SETD2: variants seen among roughly 807,000 people sequenced by gnomAD.
The protein encoded by SETD2 is SET domain containing 2, histone lysine methyltransferase, also known as histone-lysine N-methyltransferase SETD2.
Under a neutral mutation model 242.1 loss-of-function variants are expected in SETD2, and 31 were observed. The ratio of observed to expected loss-of-function variants is 0.13; its 90% CI spans 0.10 to 0.17. The LOEUF (loss-of-function observed/expected upper bound fraction) is 0.17, where lower values mean the gene tolerates loss of function less well. Among genes scored for constraint, SETD2 ranks in the 10% least tolerant of loss-of-function variants. SETD2 has a pLI of 1.00. For missense variants in SETD2, 2,481 were observed against 3,046.3 expected (o/e 0.81, Z 4.37); for synonymous variants, 1,006 against 1,066.5 (o/e 0.94, Z 1.11).
intron 18 of SETD2, among the ~76,000 whole-genome samples, chr3:47,024,308 T>A (rs2038371108): frequency 6.6e-6 from 1 of 152,040 alleles, no homozygotes. Flanking sequence ...CTGTCTCTAC[T>A]AAAAATACGA....
chr3:47,162,111 T>C (rs1202120689), intron 1 of SETD2, among the ~76,000 whole-genome samples: 2 of 152,168 alleles, frequency 1.3e-5, no homozygotes, highest in Non-Finnish European at 2.9e-5. Flanking sequence ...CCACATATTA[T>C]GAAAAATTGT....
rs530249823 is a variant in SETD2, at chr3:47,047,857, C to T, written c.6964-1236G>A. Reference sequence around the variant, plus strand: ...TGAGAAATGCATTGTTAGGAGATTTCATTGTTGTGGTAACATCATATAATG... The same window carrying T: ...TGAGAAATGCATTGTTAGGAGATTTTATTGTTGTGGTAACATCATATAATG... On this transcript the variant is annotated intron_variant, in intron 15 of 20. Transcript: ENST00000409792. 4.6e-5 allele frequency among the ~76,000 whole-genome samples: 7 copies of T among 152,290 alleles called. 1 individual carries two copies. The South Asian group carries it at 1.5e-3, about 32-fold the overall frequency.
intron 1 of SETD2, among the ~76,000 whole-genome samples, chr3:47,130,026 T>C (rs948451185): frequency 1.3e-5 from 2 of 152,194 alleles, no homozygotes; most frequent in Non-Finnish European, 2.9e-5. Flanking sequence ...TAATCCTCAA[T>C]GTTGCTGCCC....
chr3:47,081,190 C>T (rs1559698560), intron 12 of SETD2: 1 of 543,656 alleles, frequency 1.8e-6, no homozygotes, highest in Non-Finnish European at 2.3e-6. Flanking sequence ...CTTTCATTTA[C>T]TGATGATTCC....
chr3:47,108,779 C>T (rs4683321), intron 5 of SETD2, among the ~76,000 whole-genome samples: 4,981 of 152,218 alleles, frequency 0.033, 238 homozygotes, highest in East Asian at 0.13. Flanking sequence ...GCTAGACCCT[C>T]CAGCTGCCTG....
Position 47,056,903 on chromosome 3 carries a change from G to T in SETD2, c.6881C>A (p.Thr2294Asn). ...ACATGTCTGTCCTTGATAATATATG[G>T]TTGCTTGAGACTGTGCAGGAGAGTA... The part of the protein sequence containing the change: ...QQYSPAQSQA[T>N]IYYQGQTCPT... The change falls in exon 15 of 21, where the codon ACC becomes AAC. Residue 2294 changes from threonine (T) to asparagine (N), a missense_variant. By Grantham distance (65) the Thr-to-Asn change is moderately conservative (BLOSUM62 0). Transcript: ENST00000409792. 6.2e-7 allele frequency: 1 copy of T among 1,614,206 alleles called. No individual in the cohort carries two copies. The highest frequency in any genetic ancestry group is 8.5e-7 in the Non-Finnish European group (1 of 1,179,992).
intron 1 of SETD2, among the ~76,000 whole-genome samples, chr3:47,134,169 T>C (rs1448545544): frequency 2.6e-5 from 4 of 152,188 alleles, no homozygotes; most frequent in African/African-American, 9.6e-5. Context: ...TCCTACACTA[T>C]ACCTCATGTT....
At chr3:47,149,743 G>A (rs1382773970) in intron 1 of SETD2, among the ~76,000 whole-genome samples, 1 of 152,134 alleles carries the variant, frequency 6.6e-6, no homozygotes, top group Non-Finnish European at 1.5e-5. Context: ...CACAGGTCTG[G>A]CATTCAACAA....
intron 15 of SETD2, among the ~76,000 whole-genome samples, chr3:47,048,775 C>A (rs562854684): frequency 6.6e-6 from 1 of 152,260 alleles, no homozygotes; most frequent in African/African-American, 2.4e-5. Flanking sequence ...TCAAGCAATT[C>A]TCCTGCCTCA....
At chr3:47,024,306 A>C (rs2038370957) in intron 18 of SETD2, among the ~76,000 whole-genome samples, 1 of 151,818 alleles carries the variant, frequency 6.6e-6, no homozygotes, top group Non-Finnish European at 1.5e-5. Context: ...CACTGTCTCT[A>C]CTAAAAATAC....
chr3:47,052,035 T>C (rs930452581), intron 15 of SETD2, among the ~76,000 whole-genome samples: 7 of 152,198 alleles, frequency 4.6e-5, no homozygotes, highest in Non-Finnish European at 1.0e-4. Flanking sequence ...TCTAGGCTTT[T>C]AACAGTATTA....
chr3:47,067,196 T>G (rs182528866), intron 12 of SETD2, 78 bp from the exon 13 acceptor site: 70 of 1,071,012 alleles, frequency 6.5e-5, no homozygotes, highest in Non-Finnish European at 1.0e-4. Flanking sequence ...TGTTTTCACA[T>G]GACAATAAAG....
intron 15 of SETD2, among the ~76,000 whole-genome samples, chr3:47,049,627 C>T (rs1453154927): frequency 6.8e-6 from 1 of 147,974 alleles, no homozygotes; most frequent in Non-Finnish European, 1.5e-5. Context: ...CCGCCTCAGC[C>T]TCCCAAAGTG....
At chr3:47,111,073 T>G (rs1195135005) in intron 5 of SETD2, among the ~76,000 whole-genome samples, 2 of 91,142 alleles carry the variant, frequency 2.2e-5, no homozygotes, top group African/African-American at 4.8e-5. Flanking sequence ...CAAACTGTGG[T>G]TCCTTTAAAA....
rs915441021 is a variant in SETD2, at chr3:47,123,373, C to T, written c.1263G>A (p.Arg421=). ...RGSRTNLSYS[R]SERSHYYDSD... ...AGTCATAATAATGAGATCGTTCTGA[C>T]CTGGAATAGGATAAATTAGTTCTAG... The change falls in exon 3 of 21, where the codon AGG becomes AGA. Residue 421 remains arginine (R), a synonymous_variant. Coordinates refer to ENST00000409792, the MANE Select transcript of SETD2 (RefSeq NM_014159.7). 8 of 1,551,468 alleles carry T rather than the reference C, an allele frequency of 5.2e-6. No individual in the cohort carries two copies. In the African/African-American group the frequency reaches 6.8e-5, roughly 13 times the overall value.
intron 13 of SETD2, among the ~76,000 whole-genome samples, chr3:47,065,457 G>C (rs1218358711): frequency 1.3e-5 from 2 of 151,978 alleles, no homozygotes; most frequent in African/African-American, 4.8e-5. Context: ...ACCACCATAA[G>C]TGACCCTATT....
At position 47,083,873 on chromosome 3, in the gene SETD2, T is replaced by C; in HGVS notation, c.5907A>G (p.Lys1969=). The C allele has an allele frequency of 6.2e-7, 1 of 1,614,170 alleles. No homozygotes were observed. The highest frequency in any genetic ancestry group is 8.5e-7 in the Non-Finnish European group (1 of 1,180,020). The change falls in exon 12 of 21, where the codon AAA becomes AAG. Residue 1969 remains lysine (K), a synonymous_variant. Coordinates refer to ENST00000409792, the MANE Select transcript of SETD2 (RefSeq NM_014159.7). ...TTTCTTCATTAATAGGTTCTTCTAGTTTTGTGCCGTTGCTCTCTTTGGGCT... is the reference window on the plus strand; with the variant it reads ...TTTCTTCATTAATAGGTTCTTCTAGCTTTGTGCCGTTGCTCTCTTTGGGCT... ...EIEPKESNGT[K]LEEPINEETP...
intron 18 of SETD2, among the ~76,000 whole-genome samples, chr3:47,035,026 C>G (rs2038937851): frequency 6.6e-6 from 1 of 152,182 alleles, no homozygotes; most frequent in Admixed American, 6.5e-5. Flanking sequence ...CCTATGGTAA[C>G]AGAGGAGTAA....
intron 9 of SETD2, among the ~76,000 whole-genome samples, chr3:47,096,248 A>G (rs533536905): frequency 5.9e-5 from 9 of 152,156 alleles, no homozygotes; most frequent in Non-Finnish European, 1.0e-4. Context: ...TCCACCACCT[A>G]TTTGGGTGAC....
Sources: gnomAD v4.1 joint callset for allele counts (sites outside exome capture counted in the v4.1 genomes callset) on GRCh38, gnomAD v4.1.1 for gene constraint, MANE v1.5 for transcripts, NCBI Gene and HGNC (gene_info 2026-07-23, HGNC 2026-07-21) for gene names.